WASF3: variants seen among roughly 807,000 people sequenced by gnomAD.
WASF3 encodes actin-binding protein WASF3.
In WASF3, 11 loss-of-function variants were observed where a neutral mutation model predicts 46.6. The ratio of observed to expected loss-of-function variants is 0.24; its 90% CI spans 0.15 to 0.39. The LOEUF is 0.39. Ranked by LOEUF, WASF3 falls within the 10% of genes least tolerant of loss-of-function variation. The pLI is 1.00. For missense variants in WASF3, 576 were observed against 669.8 expected, an observed-to-expected ratio of 0.86 and a Z score of 1.55; for synonymous variants, 242 against 259.7, an observed-to-expected ratio of 0.93 and a Z score of 0.65.
the WASF3 span, among the ~76,000 whole-genome samples, chr13:26,550,696 G>C: frequency 6.6e-6 from 1 of 152,124 alleles, no homozygotes; most frequent in East Asian, 1.9e-4. Flanking sequence ...TGCATATCTT[G>C]CTGTAACACA....
intron 5 of WASF3, among the ~76,000 whole-genome samples, chr13:26,670,812 TCTTC>T (rs1882907216): frequency 6.6e-6 from 1 of 152,198 alleles, no homozygotes; most frequent in African/African-American, 2.4e-5. Flanking sequence ...TTGCACTGGC[TCTTC>T]AGTGATTTTC....
At chr13:26,622,026 G>C (rs1249375242) in intron 2 of WASF3, among the ~76,000 whole-genome samples, 1 of 152,100 alleles carries the variant, frequency 6.6e-6, no homozygotes, top group Non-Finnish European at 1.5e-5. Flanking sequence ...CTTTCATTCC[G>C]AGGGCAAAAC....
intron 1 of WASF3, among the ~76,000 whole-genome samples, chr13:26,583,669 G>C (rs572781366): frequency 1.3e-5 from 2 of 152,228 alleles, no homozygotes; most frequent in African/African-American, 4.8e-5. Flanking sequence ...ACTCTGCTAT[G>C]GTGTTTGTAC....
intron 1 of WASF3, among the ~76,000 whole-genome samples, chr13:26,595,536 G>T (rs1254690632): frequency 6.6e-6 from 1 of 152,146 alleles, no homozygotes; most frequent in Non-Finnish European, 1.5e-5. Context: ...GTGTGTGTGT[G>T]TGAGTGTGTA....
intron 1 of WASF3, among the ~76,000 whole-genome samples, chr13:26,596,923 G>A (rs547321): frequency 0.84 from 128,399 of 152,046 alleles, 54,250 homozygotes; most frequent in East Asian, 0.9. Context: ...TTCCATTTCT[G>A]GCTTTTCTAT....
chr13:26,639,103 T>A (rs1459371895), intron 2 of WASF3, among the ~76,000 whole-genome samples: 1 of 152,214 alleles, frequency 6.6e-6, no homozygotes, highest in Non-Finnish European at 1.5e-5. Context: ...TCTCAGGTAC[T>A]CTGTATAGCA....
intron 3 of WASF3, among the ~76,000 whole-genome samples, chr13:26,660,433 G>A (rs1882597433): frequency 6.6e-6 from 1 of 151,936 alleles, no homozygotes. Context: ...GAGGCCGGAT[G>A]GATGAGGCCT....
intron 3 of WASF3, among the ~76,000 whole-genome samples, chr13:26,653,188 C>A (rs1209518735): frequency 6.6e-6 from 1 of 152,180 alleles, no homozygotes; most frequent in African/African-American, 2.4e-5. Context: ...TCTCCTCCAA[C>A]GGAGCACTGG....
chr13:26,632,431 A>G (rs960015410), intron 2 of WASF3, among the ~76,000 whole-genome samples: 1 of 152,146 alleles, frequency 6.6e-6, no homozygotes, highest in East Asian at 1.9e-4. Context: ...TGAGGTAATC[A>G]TGTGGTTTTT....
Position 26,667,565 on chromosome 13 carries a change from T to G in WASF3, c.317T>G (p.Val106Gly). Residue 106 changes from valine to glycine, a missense_variant, in exon 5 of 10, where the codon GTC (valine) becomes GGC (glycine). Around this residue, in one of 3 missense-constraint regions of WASF3, gnomAD observed 213 missense variants for 278.0 expected, o/e 0.77. Coordinates refer to ENST00000335327, the MANE Select transcript of WASF3 (RefSeq NM_006646.6). ...AAAAAAGCTTTCAAAAGTTCCACAGTCCAAGACCAGCAAGTGGTTTCAAAG... is the reference window on the plus strand; with the variant it reads ...AAAAAAGCTTTCAAAAGTTCCACAGGCCAAGACCAGCAAGTGGTTTCAAAG... ...NMKKAFKSST[V>G]QDQQVVSKNS... 6.2e-7 allele frequency: 1 copy of G among 1,614,152 alleles called. No individual in the cohort carries two copies. Among genetic ancestry groups the G allele is most frequent in the Non-Finnish European group, 8.5e-7 (1 of 1,180,008 alleles).
chr13:26,627,648 G>A (rs537810587), intron 2 of WASF3, among the ~76,000 whole-genome samples: 3 of 152,108 alleles, frequency 2.0e-5, no homozygotes, highest in South Asian at 2.1e-4. Context: ...GAGAATCCTC[G>A]CAAATGGCAG....
intron 1 of WASF3, among the ~76,000 whole-genome samples, chr13:26,587,702 G>A (rs1351511297): frequency 3.3e-5 from 5 of 152,144 alleles, no homozygotes; most frequent in Non-Finnish European, 7.4e-5. Flanking sequence ...GACAATCAAG[G>A]GGGTGGTAAT....
chr13:26,685,064 G>C (rs1352690124), intron 9 of WASF3, among the ~76,000 whole-genome samples: 3 of 145,912 alleles, frequency 2.1e-5, no homozygotes, highest in Non-Finnish European at 4.5e-5. Flanking sequence ...CTCCAGCCTG[G>C]GTCACAGAGT....
the WASF3 span, among the ~76,000 whole-genome samples, chr13:26,540,252 C>T: frequency 6.6e-6 from 1 of 152,160 alleles, no homozygotes. Context: ...CAGAAATCTG[C>T]CATTCATCCC....
At chr13:26,552,182 C>T in the WASF3 span, among the ~76,000 whole-genome samples, 1 of 152,152 alleles carries the variant, frequency 6.6e-6, no homozygotes, top group East Asian at 1.9e-4. Flanking sequence ...GCTGGGTTAC[C>T]TTGGGGGAAA....
rs932636483 is a variant in WASF3, at chr13:26,687,575, C to G, written c.*1730C>G. On this transcript the variant is annotated 3_prime_UTR_variant, in exon 10 of 10. Transcript: ENST00000335327. ...TTCCAAGGCTGCTTCCCTGGTGTGTCTGTTCTCTCCTCTGTCCCAGGTGCT... is the reference window on the plus strand; with the variant it reads ...TTCCAAGGCTGCTTCCCTGGTGTGTGTGTTCTCTCCTCTGTCCCAGGTGCT... 1 of 152,250 alleles carries G rather than the reference C, an allele frequency of 6.6e-6. No homozygotes were observed. The highest frequency in any genetic ancestry group is 1.5e-5 in the Non-Finnish European group (1 of 68,132). 9.4% of individuals were successfully genotyped at this position (152,250 alleles called of 1,614,324 possible).
At chr13:26,563,634 A>T (rs1281968205) in intron 1 of WASF3, among the ~76,000 whole-genome samples, 1 of 145,040 alleles carries the variant, frequency 6.9e-6, no homozygotes, top group Non-Finnish European at 1.5e-5. Context: ...CAGCCTGGGC[A>T]ACAGAGTGAG....
chr13:26,676,087 C>T (rs990877358), intron 6 of WASF3, among the ~76,000 whole-genome samples: 15 of 152,052 alleles, frequency 9.9e-5, no homozygotes, highest in African/African-American at 3.1e-4. Flanking sequence ...TCACTTATTC[C>T]GTAATCTTTT....
chr13:26,559,820 T>TCTTTCTTTC (rs748976709), intron 1 of WASF3, among the ~76,000 whole-genome samples: 84 of 67,538 alleles, frequency 1.2e-3, no homozygotes, highest in South Asian at 2.5e-3. Context: ...TTTTTTTTTT[T>TCTTTCTTTC]TTTTTTTTTT....
Sources: allele counts gnomAD v4.1 joint callset (sites outside exome capture counted in the v4.1 genomes callset), GRCh38; gene constraint gnomAD v4.1.1; regional missense constraint gnomAD v4.1.1; transcripts MANE v1.5; gene names NCBI Gene and HGNC (gene_info 2026-07-23, HGNC 2026-07-21).